The following CYP1B1 variants were observed in gnomAD, a reference collection of about 807,000 sequenced individuals.
CYP1B1 encodes cytochrome P450 family 1 subfamily B member 1.
A neutral mutation model predicts 29.9 loss-of-function variants in CYP1B1; 22 were observed. The ratio of observed to expected loss-of-function variants is 0.74; its 90% CI spans 0.53 to 1.05. The LOEUF is 1.05. Ranked by LOEUF, CYP1B1 falls within the 50% of genes least tolerant of loss-of-function variation. The probability of loss-of-function intolerance (pLI) is 0.00; values close to 1 mark genes in which losing one functional copy is unlikely to be tolerated. For missense variants in CYP1B1, 883 were observed against 746.9 expected (o/e 1.18, Z -2.12); for synonymous variants, 375 against 320.0 (o/e 1.17, Z -1.83).
Position 38,074,396 on chromosome 2 carries a change from G to T in CYP1B1, c.993C>A (p.Ser331Arg). Residue 331 changes from serine to arginine, a missense_variant, in exon 2 of 3, where the codon AGC becomes AGA. Physicochemically the swap from Ser to Arg is moderately radical, Grantham distance 110. Transcript: ENST00000610745. ...GCAGCGCGGTGGACAGGGTGTCCTG[G>T]CTGGCGCCGAAGATGTCAGTGATAG... ...PATITDIFGASQDTLSTALQW... is the reference protein window; with the variant it reads ...PATITDIFGARQDTLSTALQW... The T allele has an allele frequency of 6.2e-7, 1 of 1,613,524 alleles. No homozygotes were observed. Among genetic ancestry groups the T allele is most frequent in the Non-Finnish European group, 8.5e-7 (1 of 1,180,002 alleles).
Position 38,070,561 on chromosome 2 carries a change from G to A in CYP1B1, c.*161C>T, listed in dbSNP as rs1456438048. 5.9e-6 allele frequency: 4 copies of A among 680,880 alleles called. No individual in the cohort carries two copies. Among genetic ancestry groups the A allele is most frequent in the Admixed American group, 2.6e-5 (1 of 39,198 alleles). 42.2% of individuals were successfully genotyped at this position (680,880 alleles called of 1,614,324 possible). ...CATAGCCCACTACTCATGAAGAACC[G>A]CTGGGTATGGAGCACACCTCACCTG... On this transcript the variant is annotated 3_prime_UTR_variant, in exon 3 of 3. Transcript: ENST00000610745.
intron 2 of CYP1B1, 76 bp downstream of exon 2, chr2:38,074,270 A>T: frequency 6.6e-7 from 1 of 1,518,740 alleles, no homozygotes; most frequent in Non-Finnish European, 9.0e-7. Flanking sequence ...CCTGCTTGCA[A>T]ACTCAGCATA....
In CYP1B1 at chr2:38,067,854, A is replaced by G. The variant is rs1388406948; in HGVS notation, c.*2868T>C. 6 of 186,928 alleles carry G rather than the reference A, an allele frequency of 3.2e-5. No individual in the cohort carries two copies. The highest frequency in any genetic ancestry group is 1.4e-4 in the African/African-American group (6 of 42,768). The allele number at this position is 186,928 out of a possible 1,614,324, so 11.6% of individuals were successfully genotyped here. A position where few individuals can be genotyped will look rare whatever the true frequency, so the allele number is the denominator to read the frequency against. ...TTGAGTTATAAATGTCTACTAAAGT[A>G]TACCTTTTAATCACACAGTTGTGTC... On this transcript the variant is annotated 3_prime_UTR_variant, in exon 3 of 3. Transcript: ENST00000610745.
Position 38,075,044 on chromosome 2 carries a change from G to A in CYP1B1, c.345C>T (p.Ala115=), listed in dbSNP as rs760811476. 31 of 1,587,468 alleles carry A rather than the reference G, an allele frequency of 2.0e-5. No homozygotes were observed. The highest frequency in any genetic ancestry group is 2.7e-5 in the African/African-American group (2 of 74,700). Residue 115 remains alanine, a synonymous_variant, in exon 2 of 3, where the codon GCC becomes GCT. Transcript: ENST00000610745. ...GGAAGGAGGCGAAGGCCGGCCGGTCGGCGAAGGCCGAGCCCTGCTGCACCA... is the reference window on the plus strand; with the variant it reads ...GGAAGGAGGCGAAGGCCGGCCGGTCAGCGAAGGCCGAGCCCTGCTGCACCA... ...QALVQQGSAF[A]DRPAFASFRV...
At position 38,075,011 on chromosome 2, in the gene CYP1B1, C is replaced by G; in HGVS notation, c.378G>C (p.Val126=). The G allele has an allele frequency of 6.3e-7, 1 of 1,591,632 alleles. No individual in the cohort carries two copies. Among genetic ancestry groups the G allele is most frequent in the Non-Finnish European group, 8.5e-7 (1 of 1,176,930 alleles). Residue 126 remains valine, a synonymous_variant, in exon 2 of 3, where the codon GTG becomes GTC. Transcript: ENST00000610745. ...CGAAAGCCATGCTGCGGCCGCCGGA[C>G]ACCACACGGAAGGAGGCGAAGGCCG... ...DRPAFASFRV[V]SGGRSMAFGH... is the part of the protein sequence containing the mutation.
Position 38,068,744 on chromosome 2 carries a change from T to A in CYP1B1, c.*1978A>T, listed in dbSNP as rs533555807. The A allele has an allele frequency of 4.5e-6, 1 of 224,116 alleles. No homozygotes were observed. The highest frequency in any genetic ancestry group is 6.5e-5 in the East Asian group (1 of 15,350). The allele number at this position is 224,116 out of a possible 1,614,324, so 13.9% of individuals were successfully genotyped here. ...ACCACAAAACAGATCTGCTATGTTGTAGACTTTTTTAATAGCCTATTTGAG... is the reference window on the plus strand; with the variant it reads ...ACCACAAAACAGATCTGCTATGTTGAAGACTTTTTTAATAGCCTATTTGAG... On this transcript the variant is annotated 3_prime_UTR_variant, in exon 3 of 3. Coordinates refer to ENST00000610745, the MANE Select transcript of CYP1B1 (RefSeq NM_000104.4).
chr2:38,074,385 A>G lies in CYP1B1; in HGVS notation c.1004T>C (p.Leu335Pro). 1.2e-5 allele frequency: 19 copies of G among 1,613,658 alleles called. No individual in the cohort carries two copies. The highest frequency in any genetic ancestry group is 1.4e-5 in the Non-Finnish European group (17 of 1,180,002). The change falls in exon 2 of 3, where the codon CTG (leucine) becomes CCG (proline). Residue 335 changes from leucine to proline, a missense_variant. Coordinates refer to ENST00000610745, the MANE Select transcript of CYP1B1 (RefSeq NM_000104.4). ...TDIFGASQDT[L>P]STALQWLLLL... is the part of the protein sequence containing the mutation. The stretch of plus-strand genomic sequence containing the variant: ...GAGCAGCCACTGCAGCGCGGTGGAC[A>G]GGGTGTCCTGGCTGGCGCCGAAGAT...
rs1231038782 is a variant in CYP1B1 at position 38,074,889 on chromosome 2, T to C, written c.500A>G (p.Glu167Gly). 6.4e-7 allele frequency: 1 copy of C among 1,556,312 alleles called. No homozygotes were observed. The highest frequency in any genetic ancestry group is 8.7e-7 in the Non-Finnish European group (1 of 1,153,838). The change falls in exon 2 of 3, where the codon GAG becomes GGG. Residue 167 changes from glutamate to glycine, a missense_variant. Glu to Gly is a moderately conservative substitution (Grantham distance 98, BLOSUM62 -2). Coordinates refer to ENST00000610745, the MANE Select transcript of CYP1B1 (RefSeq NM_000104.4). ...TRQPRSRQVL[E>G]GHVLSEAREL... The stretch of plus-strand genomic sequence containing the variant: ...GCGCGCCTCGCTCAGCACGTGGCCC[T>C]CGAGGACTTGGCGGCTGCGCGGCTG...
At position 38,074,817 on chromosome 2, in the gene CYP1B1, A is replaced by C. The variant is rs368699207; in HGVS notation, c.572T>G (p.Leu191Arg). Reference protein sequence around the residue: ...LVRGSADGAFLDPRPLTVVAV... With the variant: ...LVRGSADGAFRDPRPLTVVAV... ...CACGACGGTCAGCGGCCTCGGGTCG[A>C]GGAAGGCGCCGTCCGCGCTGCCGCG... The change falls in exon 2 of 3, where the codon CTC becomes CGC. Residue 191 changes from leucine to arginine, a missense_variant. Transcript: ENST00000610745. 5.4e-5 allele frequency: 85 copies of C among 1,573,832 alleles called. No individual in the cohort carries two copies. The East Asian group carries it at 8.9e-4, about 16-fold the overall frequency.
chr2:38,070,925 T>C lies in CYP1B1; in HGVS notation c.1429A>G (p.Lys477Glu), dbSNP rs1209141639. 9 of 1,614,062 alleles carry C rather than the reference T, an allele frequency of 5.6e-6. No individual in the cohort carries two copies. In the Admixed American group the frequency reaches 1.5e-4, roughly 27 times the overall value. ...KRRCIGEELSKMQLFLFISIL... is the reference protein window; with the variant it reads ...KRRCIGEELSEMQLFLFISIL... ...GAGATGAAGAGAAAAAGCTGCATCT[T>C]AGAAAGTTCTTCGCCAATGCACCGC... Residue 477 changes from lysine to glutamate, a missense_variant, in exon 3 of 3, where the codon AAG (lysine) becomes GAG (glutamate). Physicochemically the swap from Lys to Glu is moderately conservative, Grantham distance 56 (BLOSUM62 1). Coordinates refer to ENST00000610745, the MANE Select transcript of CYP1B1 (RefSeq NM_000104.4).
Position 38,068,143 on chromosome 2 carries a change from A to T in CYP1B1, c.*2579T>A, listed in dbSNP as rs1645742039. The T allele has an allele frequency of 1.4e-5, 3 of 210,638 alleles. No homozygotes were observed. Among genetic ancestry groups the T allele is most frequent in the African/African-American group, 6.8e-5 (3 of 44,102 alleles). 13.0% of individuals were successfully genotyped at this position (210,638 alleles called of 1,614,324 possible). ...TACTTTATTGCAATAACCTGGAGTA[A>T]AACTTCTGACTTTAATGGTTGTCAG... On this transcript the variant is annotated 3_prime_UTR_variant, in exon 3 of 3. Coordinates refer to ENST00000610745, the MANE Select transcript of CYP1B1 (RefSeq NM_000104.4).
At position 38,069,101 on chromosome 2, in the gene CYP1B1, T is replaced by G. The variant is rs1260959912; in HGVS notation, c.*1621A>C. The G allele has an allele frequency of 1.3e-5, 3 of 226,192 alleles. No homozygotes were observed. The highest frequency in any genetic ancestry group is 8.8e-6 in the Non-Finnish European group (1 of 113,644). The allele number at this position is 226,192 out of a possible 1,614,324, so 14.0% of individuals were successfully genotyped here. On this transcript the variant is annotated 3_prime_UTR_variant, in exon 3 of 3. Transcript: ENST00000610745. ...AAACTTCAATTCACTTTTCTAAATGTGAATGCATACATTTCATTTGAGCTT... is the reference window on the plus strand; with the variant it reads ...AAACTTCAATTCACTTTTCTAAATGGGAATGCATACATTTCATTTGAGCTT...
intron 2 of CYP1B1, 180 bp downstream of exon 2, chr2:38,074,166 G>T: frequency 1.5e-6 from 1 of 684,968 alleles, no homozygotes; most frequent in Non-Finnish European, 2.5e-6. Flanking sequence ...GGTGGGGCGC[G>T]TGCGCGTGTC....
chr2:38,074,915 G>A lies in CYP1B1; in HGVS notation c.474C>T (p.Arg158=), dbSNP rs571087769. ...CGAGGACTTGGCGGCTGCGCGGCTG[G>A]CGCGTGAAGAAGTTGCGCATCATGC... ...AHSMMRNFFT[R]QPRSRQVLEG... The change falls in exon 2 of 3, where the codon CGC becomes CGT. Residue 158 remains arginine (R), a synonymous_variant. Coordinates refer to ENST00000610745, the MANE Select transcript of CYP1B1 (RefSeq NM_000104.4). 1.9e-6 allele frequency: 3 copies of A among 1,556,626 alleles called. No homozygotes were observed. Among genetic ancestry groups the A allele is most frequent in the Non-Finnish European group, 2.6e-6 (3 of 1,156,366 alleles).
Position 38,075,158 on chromosome 2 carries a change from C to A in CYP1B1, c.231G>T (p.Leu77=), listed in dbSNP as rs1682509640. ...GGAAAACGTCGCCGTAGCGCCGCGCCAGGCGAGCGAACGAGAGGTGAGCCG... is the reference window on the plus strand; with the variant it reads ...GGAAAACGTCGCCGTAGCGCCGCGCAAGGCGAGCGAACGAGAGGTGAGCCG... ...GQAAHLSFAR[L]ARRYGDVFQI... Residue 77 remains leucine, a synonymous_variant, in exon 2 of 3, where the codon CTG becomes CTT. Coordinates refer to ENST00000610745, the MANE Select transcript of CYP1B1 (RefSeq NM_000104.4). 6.4e-7 allele frequency: 1 copy of A among 1,572,724 alleles called. No homozygotes were observed. The highest frequency in any genetic ancestry group is 2.3e-5 in the East Asian group (1 of 43,588).
chr2:38,074,533 C>A lies in CYP1B1; in HGVS notation c.856G>T (p.Gly286Trp), dbSNP rs750132418. ...TCCATCATGTCGCGGGGGGCGGCCC[C>A]GGGCCGAAGGCTTTCGCAGTGCCTC... Reference protein sequence around the residue: ...FLRHCESLRPGAAPRDMMDAF... With the variant: ...FLRHCESLRPWAAPRDMMDAF... Residue 286 changes from glycine to tryptophan, a missense_variant, in exon 2 of 3, where the codon GGG becomes TGG. Physicochemically the swap from Gly to Trp is radical, Grantham distance 184. Transcript: ENST00000610745. 6.2e-7 allele frequency: 1 copy of A among 1,607,428 alleles called. No individual in the cohort carries two copies. The highest frequency in any genetic ancestry group is 8.5e-7 in the Non-Finnish European group (1 of 1,177,284).
chr2:38,074,740 C>G lies in CYP1B1; in HGVS notation c.649G>C (p.Asp217His), dbSNP rs752091006. Residue 217 changes from aspartate to histidine, a missense_variant, in exon 2 of 3, where the codon GAC becomes CAC. Coordinates refer to ENST00000610745, the MANE Select transcript of CYP1B1 (RefSeq NM_000104.4). Reference protein sequence around the residue: ...AVCFGCRYSHDDPEFRELLSH... With the variant: ...AVCFGCRYSHHDPEFRELLSH... ...AGCAGCTCACGGAACTCGGGGTCGT[C>G]GTGGCTGTAGCGGCAGCCGAAACAC... is the stretch of plus-strand genomic sequence containing the variant. 1.2e-6 allele frequency: 2 copies of G among 1,606,422 alleles called. No individual in the cohort carries two copies. The highest frequency in any genetic ancestry group is 1.1e-5 in the South Asian group (1 of 89,872).
intron 2 of CYP1B1, chr2:38,073,333 G>A (rs899954516): frequency 1.3e-5 from 2 of 152,152 alleles, no homozygotes; most frequent in Admixed American, 6.5e-5. Flanking sequence ...GCTCACTTGT[G>A]CTCCAAGAAA....
Position 38,074,867 on chromosome 2 carries a change from C to A in CYP1B1, c.522G>T (p.Ala174=). 6.4e-7 allele frequency: 1 copy of A among 1,554,380 alleles called. No homozygotes were observed. Among genetic ancestry groups the A allele is most frequent in the Non-Finnish European group, 8.7e-7 (1 of 1,151,322 alleles). The change falls in exon 2 of 3, where the codon GCG becomes GCT. Residue 174 remains alanine (A), a synonymous_variant. Transcript: ENST00000610745. ...GCACCAGCAGCGCCACCAGCTCGCG[C>A]GCCTCGCTCAGCACGTGGCCCTCGA... ...QVLEGHVLSE[A]RELVALLVRG... is the part of the protein sequence containing the mutation.
Sources: allele counts gnomAD v4.1 joint callset, GRCh38; gene constraint gnomAD v4.1.1; transcripts MANE v1.5; gene names NCBI Gene and HGNC (gene_info 2026-07-23, HGNC 2026-07-21).